Variants in HMCN1 observed in about 807,000 individuals in gnomAD.
The protein encoded by HMCN1 is hemicentin 1.
In HMCN1, 321 loss-of-function variants were observed where a neutral mutation model predicts 625.9. The observed-to-expected ratio is 0.51, with a 90% CI of 0.47 to 0.56. The LOEUF (loss-of-function observed/expected upper bound fraction) is 0.56, where lower values mean the gene tolerates loss of function less well. Among genes scored for constraint, HMCN1 ranks in the 20% least tolerant of loss-of-function variants. HMCN1 has a pLI of 0.00. For synonymous variants in HMCN1, 2,425 were observed against 2,417.6 expected, an observed-to-expected ratio of 1.00 and a Z score of -0.09; for missense variants, 6,588 against 6,887.3, an observed-to-expected ratio of 0.96 and a Z score of 1.54.
intron 105 of HMCN1, among the ~76,000 whole-genome samples, chr1:186,186,027 T>C (rs1653281632): frequency 6.6e-6 from 1 of 152,226 alleles, no homozygotes; most frequent in Non-Finnish European, 1.5e-5. Context: ...AATTATGGCG[T>C]TGTTATACAG....
chr1:185,887,658 T>C (rs1330726382), intron 4 of HMCN1, among the ~76,000 whole-genome samples: 4 of 146,286 alleles, frequency 2.7e-5, no homozygotes, highest in Admixed American at 6.7e-5. Flanking sequence ...TATGACTGCA[T>C]AGTATTCCAT....
intron 55 of HMCN1, among the ~76,000 whole-genome samples, chr1:186,078,738 G>A (rs1323375381): frequency 1.3e-5 from 2 of 152,156 alleles, no homozygotes; most frequent in Non-Finnish European, 2.9e-5. Flanking sequence ...TGTGAATCAC[G>A]TATCCATCCA....
At chr1:186,181,329 A>G (rs1324635186) in intron 104 of HMCN1, among the ~76,000 whole-genome samples, 1 of 152,154 alleles carries the variant, frequency 6.6e-6, no homozygotes, top group Non-Finnish European at 1.5e-5. Context: ...CCCAAATCAC[A>G]TACTTTATCC....
In HMCN1 at chr1:186,001,632, G is replaced by C; in HGVS notation, c.4239G>C (p.Gly1413=). The C allele has an allele frequency of 6.2e-7, 1 of 1,613,156 alleles. No individual in the cohort carries two copies. Among genetic ancestry groups the C allele is most frequent in the Non-Finnish European group, 8.5e-7 (1 of 1,179,352 alleles). ...ESSTIQTVNN[G]KILKLFRATP... ...GCACTATTCAGACTGTGAACAATGG[G>C]AAGATACTGAAGCTCTTCAGAGCCA... Residue 1413 remains glycine (G), a synonymous_variant, in exon 28 of 107, where the codon GGG becomes GGC. Coordinates refer to ENST00000271588, the MANE Select transcript of HMCN1 (RefSeq NM_031935.3).
chr1:186,138,706 T>C (rs72707450), intron 89 of HMCN1, among the ~76,000 whole-genome samples: 7,068 of 152,232 alleles, frequency 0.046, 373 homozygotes, highest in African/African-American at 0.13. Flanking sequence ...AAGAGTTCCC[T>C]TGTCTCTCAG....
intron 11 of HMCN1, among the ~76,000 whole-genome samples, chr1:185,951,816 A>G (rs371671870): frequency 0.055 from 8,096 of 145,888 alleles, 486 homozygotes; most frequent in African/African-American, 0.15. Context: ...CGGTTCAGGC[A>G]TTTGGAAGTT....
chr1:185,868,306 G>T (rs189016534), intron 4 of HMCN1, among the ~76,000 whole-genome samples: 4 of 152,078 alleles, frequency 2.6e-5, no homozygotes, highest in African/African-American at 9.7e-5. Flanking sequence ...GCCCTAGAGC[G>T]TTTATTAAAT....
At chr1:186,173,654 A>AAAAC (rs1652375486) in intron 102 of HMCN1, among the ~76,000 whole-genome samples, 1 of 138,298 alleles carries the variant, frequency 7.2e-6, no homozygotes, top group African/African-American at 2.8e-5. Context: ...AAAAAAAAAA[A>AAAAC]AGAAAAAAGA....
At chr1:186,163,241 A>G (rs950838586) in intron 97 of HMCN1, among the ~76,000 whole-genome samples, 37 of 152,312 alleles carry the variant, frequency 2.4e-4, no homozygotes, top group African/African-American at 8.9e-4. Context: ...CTGGTGCGCC[A>G]TTTTTTAAGC....
chr1:185,858,461 T>C (rs892325998), intron 2 of HMCN1, among the ~76,000 whole-genome samples: 4 of 151,750 alleles, frequency 2.6e-5, no homozygotes, highest in African/African-American at 9.7e-5. Flanking sequence ...GGAGTCTTAC[T>C]CTGTAGCCCA....
chr1:185,828,311 A>T (rs1199643458), intron 1 of HMCN1, among the ~76,000 whole-genome samples: 1 of 152,164 alleles, frequency 6.6e-6, no homozygotes, highest in African/African-American at 2.4e-5. Flanking sequence ...ATGCAAATTT[A>T]AAATAAGTGA....
chr1:186,151,316 C>T lies in HMCN1; in HGVS notation c.14725C>T (p.Arg4909Cys), dbSNP rs761393256. The T allele has an allele frequency of 2.4e-5, 39 of 1,613,484 alleles. No homozygotes were observed. The highest frequency in any genetic ancestry group is 2.0e-4 in the Admixed American group (12 of 59,972). Residue 4909 changes from arginine (R) to cysteine (C), a missense_variant, in exon 94 of 107, where the codon CGT (arginine) becomes TGT (cysteine). Coordinates refer to ENST00000271588, the MANE Select transcript of HMCN1 (RefSeq NM_031935.3). ...DSPNSDTRII[R>C]AKITNVPRSL... ...CCCTAACTCTGATACTAGAATAATA[C>T]GTGCCAAAATTACCAATGTACCTCG...
At chr1:186,022,986 A>C in intron 35 of HMCN1, 44 bp from the exon 36 acceptor site, 1 of 1,594,204 alleles carries the variant, frequency 6.3e-7, no homozygotes, top group Non-Finnish European at 8.6e-7. Context: ...TTCAAATCCA[A>C]GTATAAGATA....
At position 185,844,306 on chromosome 1, in the gene HMCN1, C is replaced by A. The variant is rs577859938; in HGVS notation, c.269-1720C>A. ...GATGTTTGCATTTTCACAGTTTCTCCAATTGCTTCTCCACTCCTTTTTCAA... is the reference window on the plus strand; with the variant it reads ...GATGTTTGCATTTTCACAGTTTCTCAAATTGCTTCTCCACTCCTTTTTCAA... On this transcript the variant is annotated intron_variant, in intron 1 of 106. Transcript: ENST00000271588. 3.3e-5 allele frequency among the ~76,000 whole-genome samples: 5 copies of A among 152,250 alleles called. No individual in the cohort carries two copies. The South Asian group carries it at 1.0e-3, about 32-fold the overall frequency.
intron 11 of HMCN1, among the ~76,000 whole-genome samples, chr1:185,945,537 T>TA (rs1668297113): frequency 6.6e-6 from 1 of 152,128 alleles, no homozygotes; most frequent in African/African-American, 2.4e-5. Context: ...ATAACACAAA[T>TA]AAATATTTAC....
At chr1:185,864,962 C>T (rs548604413) in intron 3 of HMCN1, among the ~76,000 whole-genome samples, 3 of 152,354 alleles carry the variant, frequency 2.0e-5, no homozygotes, top group African/African-American at 4.8e-5. Context: ...TGTGGAATCA[C>T]GCCTGAGTCA....
intron 35 of HMCN1, among the ~76,000 whole-genome samples, 177 bp from the exon 36 acceptor site, chr1:186,022,853 C>G (rs1369053235): frequency 6.6e-6 from 1 of 151,970 alleles, no homozygotes; most frequent in Non-Finnish European, 1.5e-5. Context: ...TCAAACTAGT[C>G]TATTGTCTTG....
chr1:185,923,420 C>G lies in HMCN1; in HGVS notation c.1052C>G (p.Ser351Cys). The change falls in exon 8 of 107, where the codon TCT becomes TGT. Residue 351 changes from serine (S) to cysteine (C), a missense_variant. Ser to Cys is a moderately radical substitution (Grantham distance 112). Transcript: ENST00000271588. Reference protein sequence around the residue: ...GIPTYVLLNTSGISTPARIDL... With the variant: ...GIPTYVLLNTCGISTPARIDL... ...CCTACCTATGTACTGCTCAATACTT[C>G]TGGAATTTCCACTCCAGCTAGAATA... 1 of 1,611,026 alleles carries G rather than the reference C, an allele frequency of 6.2e-7. No individual in the cohort carries two copies. The highest frequency in any genetic ancestry group is 8.5e-7 in the Non-Finnish European group (1 of 1,177,790).
chr1:186,152,993 A>G (rs1650771466), intron 96 of HMCN1, 122 bp downstream of exon 96: 1 of 1,267,028 alleles, frequency 7.9e-7, no homozygotes, highest in Admixed American at 1.7e-5. Flanking sequence ...TACCAAGGCT[A>G]TAAATAACTA....
Sources: allele counts gnomAD v4.1 joint callset (sites outside exome capture counted in the v4.1 genomes callset), GRCh38; gene constraint gnomAD v4.1.1; transcripts MANE v1.5; gene names NCBI Gene and HGNC (gene_info 2026-07-23, HGNC 2026-07-21).